NTRK3: variants seen among roughly 807,000 people sequenced by gnomAD.
The protein encoded by NTRK3 is NT-3 growth factor receptor.
In NTRK3, 24 loss-of-function variants were observed where a neutral mutation model predicts 91.7. The observed-to-expected ratio is 0.26, with a 90% CI of 0.19 to 0.37. The LOEUF is 0.37. Ranked by LOEUF, NTRK3 falls within the 10% of genes least tolerant of loss-of-function variation. NTRK3 has a pLI of 1.00. For missense variants in NTRK3, 880 were observed against 1,068.9 expected (o/e 0.82, Z 2.46); for synonymous variants, 483 against 404.0 (o/e 1.20, Z -2.34).
intron 3 of NTRK3, among the ~76,000 whole-genome samples, chr15:88,229,379 A>G (rs1012040990): frequency 5.9e-5 from 9 of 152,278 alleles, no homozygotes; most frequent in Middle Eastern, 3.4e-3. Flanking sequence ...GATCTTTCCA[A>G]TCTGCTTCTC....
intron 13 of NTRK3, among the ~76,000 whole-genome samples, chr15:88,048,248 G>C (rs1293245007): frequency 6.6e-6 from 1 of 152,060 alleles, no homozygotes; most frequent in Non-Finnish European, 1.5e-5. Flanking sequence ...TTGTCCTCTG[G>C]CTCCAATCTC....
rs540180765 is a variant in NTRK3 at position 88,053,870 on chromosome 15, T to C, written c.1397-20825A>G. Among the ~76,000 whole-genome samples, 6 of 152,338 alleles carry C rather than the reference T, an allele frequency of 3.9e-5. No homozygotes were observed. In the East Asian group the frequency reaches 9.6e-4, roughly 24 times the overall value. On this transcript the variant is annotated intron_variant, in intron 13 of 18. Transcript: ENST00000394480. ...AATGGAACTGGTAAAAATCAGAATT[T>C]CATGTCCTTTGGCAATTTGCCTCAA...
intron 14 of NTRK3, among the ~76,000 whole-genome samples, chr15:87,952,531 C>G (rs930882365): frequency 3.9e-5 from 6 of 152,244 alleles, no homozygotes; most frequent in African/African-American, 1.4e-4. Context: ...ACAGACAGCT[C>G]CCCGTCCCTC....
intron 14 of NTRK3, among the ~76,000 whole-genome samples, chr15:88,025,158 T>C (rs1248492998): frequency 6.6e-6 from 1 of 152,202 alleles, no homozygotes; most frequent in East Asian, 1.9e-4. Context: ...TGAAAGCCAG[T>C]CTAATGTGAA....
At chr15:88,102,475 T>C (rs1033277920) in intron 13 of NTRK3, among the ~76,000 whole-genome samples, 1 of 152,282 alleles carries the variant, frequency 6.6e-6, no homozygotes, top group East Asian at 1.9e-4. Context: ...CAATAATTTA[T>C]TACCTGTTTC....
At chr15:88,173,178 T>C (rs2045680585) in intron 5 of NTRK3, among the ~76,000 whole-genome samples, 1 of 152,102 alleles carries the variant, frequency 6.6e-6, no homozygotes, top group Admixed American at 6.6e-5. Context: ...ATGGAAAGAA[T>C]GCGGGGACCC....
At chr15:88,056,707 T>G (rs1050704736) in intron 13 of NTRK3, among the ~76,000 whole-genome samples, 2 of 152,240 alleles carry the variant, frequency 1.3e-5, no homozygotes, top group African/African-American at 2.4e-5. Flanking sequence ...TGAGGCAAGA[T>G]AGCCTGTCCG....
Position 88,089,973 on chromosome 15 carries a change from C to T in NTRK3, c.1396+36298G>A, listed in dbSNP as rs865892645. On this transcript the variant is annotated intron_variant, in intron 13 of 18. Coordinates refer to ENST00000394480, the Ensembl canonical transcript of NTRK3. The stretch of plus-strand genomic sequence containing the variant: ...TATTACCCCTGCACCACCGGTCCAG[C>T]CACACTGTCCTCCAGGCTGCTCTTT... Among the ~76,000 whole-genome samples the T allele has an allele frequency of 9.2e-5, 14 of 152,344 alleles. 1 individual carries two copies. In the Middle Eastern group the frequency reaches 0.02, roughly 222 times the overall value.
At chr15:87,909,338 T>C (rs2066952401) in intron 17 of NTRK3, among the ~76,000 whole-genome samples, 1 of 152,096 alleles carries the variant, frequency 6.6e-6, no homozygotes, top group African/African-American at 2.4e-5. Context: ...TCTCAAGTGC[T>C]TCCAAGTCAA....
chr15:88,176,133 C>CTTTTTTTTT (rs1167029194), intron 5 of NTRK3, among the ~76,000 whole-genome samples: 59 of 115,624 alleles, frequency 5.1e-4, no homozygotes, highest in African/African-American at 2.3e-3. Context: ...CTATATGCCC[C>CTTTTTTTTT]TTCTTTTTTT....
At chr15:87,981,669 G>A (rs1278431346) in intron 14 of NTRK3, among the ~76,000 whole-genome samples, 1 of 152,086 alleles carries the variant, frequency 6.6e-6, no homozygotes, top group Non-Finnish European at 1.5e-5. Flanking sequence ...TTTCCTTCTT[G>A]GACCAGAATG....
In NTRK3 at chr15:88,095,074, G is replaced by A. The variant is rs573118329; in HGVS notation, c.1396+31197C>T. ...CACTCTGGCGGACACCACAACACCTGTGATCGTGAGCCCAGACTCTGCCTT... is the reference window on the plus strand; with the variant it reads ...CACTCTGGCGGACACCACAACACCTATGATCGTGAGCCCAGACTCTGCCTT... On this transcript the variant is annotated intron_variant, in intron 13 of 18. Coordinates refer to ENST00000394480, the Ensembl canonical transcript of NTRK3. Among the ~76,000 whole-genome samples, 4 of 152,308 alleles carry A rather than the reference G, an allele frequency of 2.6e-5. No individual in the cohort carries two copies. The South Asian group carries it at 6.2e-4, about 24-fold the overall frequency.
exon 19 of NTRK3, chr15:87,872,866 G>C (rs1473871993): frequency 4.3e-6 from 1 of 232,764 alleles, no homozygotes; most frequent in African/African-American, 2.2e-5. Context: ...AAATGAAAAG[G>C]ACTCTAAAAA....
intron 5 of NTRK3, among the ~76,000 whole-genome samples, chr15:88,161,405 G>T (rs1448696732): frequency 6.6e-6 from 1 of 152,250 alleles, no homozygotes; most frequent in East Asian, 1.9e-4. Context: ...CGTTACTAGG[G>T]CCCTGTCTCC....
chr15:87,873,042 C>T, exon 19 of NTRK3: 1 of 233,120 alleles, frequency 4.3e-6, no homozygotes. Flanking sequence ...GGCTGACTCA[C>T]TTCTACTTCT....
In NTRK3 at chr15:87,880,372, G is replaced by A. The variant is rs1240958301; in HGVS notation, c.2190C>T (p.Tyr730=). 4 of 1,614,154 alleles carry A rather than the reference G, an allele frequency of 2.5e-6. No individual in the cohort carries two copies. In the South Asian group the frequency reaches 4.4e-5, roughly 18 times the overall value. ...CATCACTCTCTGTAGTGAACTTCCGGTACATGATGCTTTCAGGAGGCATCC... is the reference window on the plus strand; with the variant it reads ...CATCACTCTCTGTAGTGAACTTCCGATACATGATGCTTTCAGGAGGCATCC... Residue 730 remains tyrosine, a synonymous_variant, in exon 18 of 19, where the codon TAC becomes TAT. Coordinates refer to ENST00000394480, the Ensembl canonical transcript of NTRK3.
exon 19 of NTRK3, chr15:87,871,817 C>A (rs1024907768): frequency 4.5e-6 from 1 of 221,350 alleles, no homozygotes; most frequent in Admixed American, 5.8e-5. Flanking sequence ...AATAAACACA[C>A]AACGTACATA....
chr15:88,026,198 G>A (rs1283680080), intron 14 of NTRK3, among the ~76,000 whole-genome samples: 1 of 152,188 alleles, frequency 6.6e-6, no homozygotes, highest in East Asian at 1.9e-4. Flanking sequence ...GTGAACCCAG[G>A]AGGTGGAGCT....
intron 9 of NTRK3, 129 bp from the exon 10 acceptor site, chr15:88,135,526 G>T: frequency 9.5e-7 from 1 of 1,055,798 alleles, no homozygotes; most frequent in Non-Finnish European, 1.4e-6. Context: ...GGAAGCAGAA[G>T]TCCCACCACA....
Sources: allele counts gnomAD v4.1 joint callset (sites outside exome capture counted in the v4.1 genomes callset), GRCh38; gene constraint gnomAD v4.1.1; transcripts MANE v1.5; gene names NCBI Gene and HGNC (gene_info 2026-07-23, HGNC 2026-07-21).